The following MAGI2 variants were observed in gnomAD, a reference collection of about 807,000 sequenced individuals.
MAGI2 encodes the protein membrane associated guanylate kinase, WW and PDZ domain containing 2, also known as membrane-associated guanylate kinase, WW and PDZ domain-containing protein 2.
Under a neutral mutation model 133.3 loss-of-function variants are expected in MAGI2, and 35 were observed. The ratio of observed to expected loss-of-function variants is 0.26; its 90% CI spans 0.20 to 0.35. The LOEUF (loss-of-function observed/expected upper bound fraction) is 0.35. MAGI2 is among the 10% of genes least tolerant of loss of function. MAGI2 has a pLI of 1.00. For missense variants in MAGI2, 1,636 were observed against 1,863.4 expected (o/e 0.88, Z 2.25); for synonymous variants, 729 against 710.6 (o/e 1.03, Z -0.41).
chr7:78,224,772 T>G (rs1421608080), intron 10 of MAGI2, among the ~76,000 whole-genome samples: 1 of 151,718 alleles, frequency 6.6e-6, no homozygotes, highest in Non-Finnish European at 1.5e-5. Context: ...CAGACAGTTT[T>G]CCACCTTTGT....
chr7:78,359,961 G>C (rs1363664778), intron 7 of MAGI2, among the ~76,000 whole-genome samples: 3 of 152,112 alleles, frequency 2.0e-5, no homozygotes, highest in Admixed American at 2.0e-4. Context: ...AAAAACATAA[G>C]CTATTACTAA....
chr7:78,938,514 A>G (rs1021759327), intron 2 of MAGI2, among the ~76,000 whole-genome samples: 1 of 152,110 alleles, frequency 6.6e-6, no homozygotes, highest in African/African-American at 2.4e-5. Context: ...ATCACCAGAA[A>G]GGTTATAAGC....
intron 1 of MAGI2, among the ~76,000 whole-genome samples, chr7:79,282,908 C>CAA (rs1374912232): frequency 1.3e-5 from 2 of 151,648 alleles, no homozygotes; most frequent in Non-Finnish European, 2.9e-5. Flanking sequence ...TGATATATAA[C>CAA]ACTTTACAAA....
At chr7:78,569,476 T>G (rs1008104118) in intron 3 of MAGI2, among the ~76,000 whole-genome samples, 2 of 152,210 alleles carry the variant, frequency 1.3e-5, no homozygotes, top group Non-Finnish European at 2.9e-5. Flanking sequence ...ATGCACGTTA[T>G]ATATCTAGGC....
At chr7:78,751,471 C>A (rs1823454119) in intron 2 of MAGI2, among the ~76,000 whole-genome samples, 1 of 152,150 alleles carries the variant, frequency 6.6e-6, no homozygotes, top group African/African-American at 2.4e-5. Flanking sequence ...ACCTAATTGG[C>A]CCTCTCAAGC....
intron 2 of MAGI2, among the ~76,000 whole-genome samples, chr7:78,775,968 C>CTGGACTCT (rs1563491410): frequency 6.6e-6 from 1 of 152,080 alleles, no homozygotes; most frequent in African/African-American, 2.4e-5. Context: ...AAGGCTCAGT[C>CTGGACTCT]TTAGGAACTG....
rs189753870 is a variant in MAGI2, at chr7:78,391,752, C to T, written c.1046-22539G>A. Reference sequence around the variant, plus strand: ...TTACTCTTTCAATTTATGATAATGCCATCTTTCCCCTATAAAGATGACACT... The same window carrying T: ...TTACTCTTTCAATTTATGATAATGCTATCTTTCCCCTATAAAGATGACACT... On this transcript the variant is annotated intron_variant, in intron 6 of 21. Transcript: ENST00000354212. Among the ~76,000 whole-genome samples the T allele has an allele frequency of 2.5e-4, 38 of 152,244 alleles. No individual in the cohort carries two copies. The East Asian group carries it at 7.3e-3, about 29-fold the overall frequency.
intron 2 of MAGI2, among the ~76,000 whole-genome samples, chr7:78,892,867 A>G (rs1238707649): frequency 2.0e-5 from 3 of 152,174 alleles, no homozygotes; most frequent in African/African-American, 7.2e-5. Context: ...ACAAAAGCCA[A>G]AATTGACAAA....
intron 1 of MAGI2, among the ~76,000 whole-genome samples, chr7:79,264,232 T>C (rs2129556675): frequency 6.6e-6 from 1 of 152,326 alleles, no homozygotes; most frequent in Admixed American, 6.5e-5. Flanking sequence ...TGCAGATCTA[T>C]ATTCTATGAA....
At chr7:78,217,333 G>C (rs921137985) in intron 10 of MAGI2, among the ~76,000 whole-genome samples, 1 of 152,158 alleles carries the variant, frequency 6.6e-6, no homozygotes, top group Non-Finnish European at 1.5e-5. Flanking sequence ...TTTCCTGAGG[G>C]CAGGGATCTT....
At chr7:78,131,067 C>T (rs978585840) in intron 18 of MAGI2, among the ~76,000 whole-genome samples, 1 of 152,190 alleles carries the variant, frequency 6.6e-6, no homozygotes, top group Non-Finnish European at 1.5e-5. Context: ...CGAGATTAAT[C>T]GACAGTGGCA....
chr7:79,030,528 T>C (rs1378241235), intron 1 of MAGI2, among the ~76,000 whole-genome samples: 1 of 152,176 alleles, frequency 6.6e-6, no homozygotes, highest in Non-Finnish European at 1.5e-5. Context: ...TTCCTTTGTT[T>C]TAACACATTG....
chr7:79,340,821 C>T (rs1840838352), intron 1 of MAGI2, among the ~76,000 whole-genome samples: 1 of 152,012 alleles, frequency 6.6e-6, no homozygotes, highest in African/African-American at 2.4e-5. Flanking sequence ...AGTCTTCTAT[C>T]TTAAACTCTG....
At chr7:78,386,001 C>G (rs931107406) in intron 6 of MAGI2, among the ~76,000 whole-genome samples, 4 of 151,752 alleles carry the variant, frequency 2.6e-5, no homozygotes, top group African/African-American at 9.7e-5. Flanking sequence ...AAACTTCCCC[C>G]CCTAGCTCAA....
chr7:78,025,803 C>G (rs1167746295), intron 21 of MAGI2, among the ~76,000 whole-genome samples: 2 of 152,102 alleles, frequency 1.3e-5, no homozygotes, highest in African/African-American at 4.8e-5. Flanking sequence ...ATCGGAGGCC[C>G]CTTAGGATGG....
At chr7:79,351,780 A>G (rs1014946555) in intron 1 of MAGI2, 1 of 152,210 alleles carries the variant, frequency 6.6e-6, no homozygotes, top group African/African-American at 2.4e-5. Flanking sequence ...AAGCCAAAGC[A>G]TTTATCAATT....
chr7:78,312,228 A>AT (rs35857095), intron 9 of MAGI2, among the ~76,000 whole-genome samples: 36,774 of 151,872 alleles, frequency 0.24, 4,891 homozygotes, highest in Middle Eastern at 0.35. Flanking sequence ...ATTTTGAAAC[A>AT]TTTTTTTTCT....
chr7:79,090,818 C>T (rs1345189775), intron 1 of MAGI2, among the ~76,000 whole-genome samples: 1 of 152,118 alleles, frequency 6.6e-6, no homozygotes, highest in Non-Finnish European at 1.5e-5. Context: ...CTGTGGACCA[C>T]ATCAAAATTG....
intron 1 of MAGI2, among the ~76,000 whole-genome samples, chr7:79,449,871 T>TGTATAC (rs1849112068): frequency 1.0e-5 from 1 of 96,912 alleles, no homozygotes; most frequent in African/African-American, 4.1e-5. Context: ...CACTGTGAGA[T>TGTATAC]ATATACATAT....
Sources: gnomAD v4.1 joint callset for allele counts (sites outside exome capture counted in the v4.1 genomes callset) on GRCh38, gnomAD v4.1.1 for gene constraint, MANE v1.5 for transcripts, NCBI Gene and HGNC (gene_info 2026-07-23, HGNC 2026-07-21) for gene names.